Variants in USP14 observed in about 807,000 individuals in gnomAD.
USP14 encodes the protein ubiquitin carboxyl-terminal hydrolase 14.
Under a neutral mutation model 76.5 loss-of-function variants are expected in USP14, and 38 were observed. That is an observed-to-expected ratio of 0.50 (90% CI 0.38 to 0.65). The LOEUF is 0.65. Ranked by LOEUF, USP14 falls within the 30% of genes least tolerant of loss-of-function variation. The probability of loss-of-function intolerance (pLI) is 0.00; values close to 1 mark genes in which losing one functional copy is unlikely to be tolerated. For synonymous variants in USP14, 192 were observed against 191.7 expected, an observed-to-expected ratio of 1.00 and a Z score of -0.01; for missense variants, 467 against 586.5, an observed-to-expected ratio of 0.80 and a Z score of 2.10.
chr18:208,289 ATTG>A (rs1458977812), intron 13 of USP14, among the ~76,000 whole-genome samples: 1 of 152,068 alleles, frequency 6.6e-6, no homozygotes, highest in Non-Finnish European at 1.5e-5. Flanking sequence ...TGTATGTAGA[ATTG>A]TTTCTAGTAT....
rs1483058765 is a variant in USP14 at position 213,886 on chromosome 18, G to C, written c.*2602G>C. ...AGTCTTGAGAGGTCAGGCAATTTTT[G>C]TAAGGCTAGAAGGAAAAGTGAGGTT... On this transcript the variant is annotated 3_prime_UTR_variant, in exon 16 of 16. Transcript: ENST00000261601. 6.6e-6 allele frequency: 1 copy of C among 152,328 alleles called. No individual in the cohort carries two copies. Among genetic ancestry groups the C allele is most frequent in the African/African-American group, 2.4e-5 (1 of 41,560 alleles). 9.4% of individuals were successfully genotyped at this position (152,328 alleles called of 1,614,324 possible). A position where few individuals can be genotyped will look rare whatever the true frequency, so the allele number is the denominator to read the frequency against.
intron 4 of USP14, 147 bp downstream of exon 4, chr18:179,184 T>C: frequency 1.7e-6 from 1 of 578,352 alleles, no homozygotes; most frequent in Non-Finnish European, 2.9e-6. Context: ...AAGAGTTTTA[T>C]TATTTTTGAT....
intron 3 of USP14, among the ~76,000 whole-genome samples, chr18:178,439 TATTTTTTCCTTA>T (rs1461268888): frequency 6.6e-6 from 1 of 152,224 alleles, no homozygotes; most frequent in Non-Finnish European, 1.5e-5. Flanking sequence ...TGGCAATACT[TATTTTTTCCTTA>T]AGCTTTATTC....
intron 10 of USP14, among the ~76,000 whole-genome samples, chr18:202,201 C>T (rs971910149): frequency 3.3e-5 from 5 of 152,070 alleles, no homozygotes; most frequent in Non-Finnish European, 7.4e-5. Flanking sequence ...GAGTATATGC[C>T]AAATATTTTA....
rs139745469 is a variant in USP14, at chr18:167,553, C to G, written c.195+734C>G. 4.0e-3 allele frequency among the ~76,000 whole-genome samples: 610 copies of G among 151,936 alleles called. 1 individual carries two copies. Among genetic ancestry groups the G allele is most frequent in the African/African-American group, 0.014 (576 of 41,440 alleles). On this transcript the variant is annotated intron_variant, in intron 3 of 15. Coordinates refer to ENST00000261601, the MANE Select transcript of USP14 (RefSeq NM_005151.4). Reference sequence around the variant, plus strand: ...GACAGGGTCTCACTCTCACGTATGCCGGAGCACAGTGGCATGGTCATGGCT... The same window carrying G: ...GACAGGGTCTCACTCTCACGTATGCGGGAGCACAGTGGCATGGTCATGGCT...
chr18:200,873 C>G (rs753045889), intron 10 of USP14, among the ~76,000 whole-genome samples: 1 of 152,156 alleles, frequency 6.6e-6, no homozygotes, highest in African/African-American at 2.4e-5. Context: ...ACAATCTCGG[C>G]TCACTGCAAC....
Position 158,611 on chromosome 18 carries a change from G to A in USP14, c.-88G>A, listed in dbSNP as rs1598259034. 6 of 1,429,698 alleles carry A rather than the reference G, an allele frequency of 4.2e-6. No homozygotes were observed. The highest frequency in any genetic ancestry group is 1.5e-5 in the African/African-American group (1 of 67,082). The allele number at this position is 1,429,698 out of a possible 1,614,324, so 88.6% of individuals were successfully genotyped here. A position where few individuals can be genotyped will look rare whatever the true frequency, so the allele number is the denominator to read the frequency against. ...CCACCACCGCGCCTCCGCCTCGGCCGCCGCCGCAGCTGCTCCTGGTCCCCG... is the reference window on the plus strand; with the variant it reads ...CCACCACCGCGCCTCCGCCTCGGCCACCGCCGCAGCTGCTCCTGGTCCCCG... On this transcript the variant is annotated 5_prime_UTR_variant, in exon 1 of 16. Coordinates refer to ENST00000261601, the MANE Select transcript of USP14 (RefSeq NM_005151.4).
chr18:210,310 T>C, intron 14 of USP14, 76 bp from the exon 15 acceptor site: 1 of 1,070,360 alleles, frequency 9.3e-7, no homozygotes, highest in South Asian at 1.6e-5. Context: ...AACTTTAGAG[T>C]TATTCTTGTT....
At chr18:159,903 C>A (rs1018638871) in intron 1 of USP14, among the ~76,000 whole-genome samples, 1 of 152,186 alleles carries the variant, frequency 6.6e-6, no homozygotes, top group Non-Finnish European at 1.5e-5. Flanking sequence ...AGGTCCCTTC[C>A]TTTGACCTCT....
chr18:203,416 C>T (rs1910437419), intron 12 of USP14, among the ~76,000 whole-genome samples: 1 of 151,970 alleles, frequency 6.6e-6, no homozygotes, highest in South Asian at 2.1e-4. Flanking sequence ...CACCCCCAAA[C>T]ATCTGGGTAG....
At chr18:184,995 A>G (rs189243284) in intron 5 of USP14, among the ~76,000 whole-genome samples, 27 of 152,222 alleles carry the variant, frequency 1.8e-4, no homozygotes, top group Non-Finnish European at 7.4e-5. Context: ...AGTGAAAACT[A>G]TATGTTATAA....
intron 14 of USP14, 73 bp downstream of exon 14, chr18:210,104 A>G (rs1356963319): frequency 2.5e-6 from 3 of 1,194,812 alleles, no homozygotes; most frequent in African/African-American, 3.1e-5. Context: ...ATCTTACCCC[A>G]TATTTACTTA....
At chr18:168,740 C>T (rs1295889777) in intron 3 of USP14, among the ~76,000 whole-genome samples, 1 of 151,742 alleles carries the variant, frequency 6.6e-6, no homozygotes, top group Non-Finnish European at 1.5e-5. Flanking sequence ...AGGCCTTGTC[C>T]TACTTTTTAA....
In USP14 at chr18:213,985, A is replaced by AGATAGATAGATAGATAGAT. The variant is rs1567839578; in HGVS notation, c.*2716_*2717insAGATGATAGATAGATAGAT. On this transcript the variant is annotated 3_prime_UTR_variant, in exon 16 of 16. Transcript: ENST00000261601. ...GACAAGATAGATAGATTAGATAGAT[A>AGATAGATAGATAGATAGAT]GATAGATAGATAGATGATGATTGAT... is the stretch of plus-strand genomic sequence containing the variant. The AGATAGATAGATAGATAGAT allele has an allele frequency of 1.3e-5, 2 of 150,750 alleles. No individual in the cohort carries two copies. Among genetic ancestry groups the AGATAGATAGATAGATAGAT allele is most frequent in the Non-Finnish European group, 3.0e-5 (2 of 67,686 alleles). 9.3% of individuals were successfully genotyped at this position (150,750 alleles called of 1,614,324 possible).
intron 10 of USP14, among the ~76,000 whole-genome samples, chr18:200,688 C>T (rs891613739): frequency 5.3e-5 from 8 of 152,152 alleles, no homozygotes; most frequent in African/African-American, 7.2e-5. Context: ...GTATATCTCT[C>T]GAAGGATCTC....
Position 213,967 on chromosome 18 carries a change from T to C in USP14, c.*2683T>C, listed in dbSNP as rs1019794357. The C allele has an allele frequency of 2.2e-5, 3 of 138,692 alleles. No individual in the cohort carries two copies. The highest frequency in any genetic ancestry group is 5.6e-5 in the African/African-American group (2 of 35,766). 8.6% of individuals were successfully genotyped at this position (138,692 alleles called of 1,614,324 possible). ...CAAACATTTTCTGTAATGGACAAGA[T>C]AGATAGATTAGATAGATAGATAGAT... On this transcript the variant is annotated 3_prime_UTR_variant, in exon 16 of 16. Transcript: ENST00000261601.
chr18:193,655 T>G (rs1910152965), intron 6 of USP14, among the ~76,000 whole-genome samples: 1 of 152,228 alleles, frequency 6.6e-6, no homozygotes, highest in Non-Finnish European at 1.5e-5. Flanking sequence ...ATTTGCCTAC[T>G]CTGGACTTTT....
At position 204,615 on chromosome 18, in the gene USP14, C is replaced by T; in HGVS notation, c.1087C>T (p.Leu363Phe). The change falls in exon 13 of 16, where the codon CTT becomes TTT. Residue 363 changes from leucine to phenylalanine, a missense_variant. Coordinates refer to ENST00000261601, the MANE Select transcript of USP14 (RefSeq NM_005151.4). ...LDMYELCTPE[L>F]QEKMVSFRSK... ...TATGTATGAACTGTGTACACCAGAACTTCAAGAGAAAATGGTGTCTTTTCG... is the reference window on the plus strand; with the variant it reads ...TATGTATGAACTGTGTACACCAGAATTTCAAGAGAAAATGGTGTCTTTTCG... The T allele has an allele frequency of 6.2e-7, 1 of 1,613,170 alleles. No homozygotes were observed. The highest frequency in any genetic ancestry group is 8.5e-7 in the Non-Finnish European group (1 of 1,179,634).
chr18:167,934 C>CTTTT lies in USP14; in HGVS notation c.195+1132_195+1135dup, dbSNP rs34207469. On this transcript the variant is annotated intron_variant, in intron 3 of 15. Coordinates refer to ENST00000261601, the MANE Select transcript of USP14 (RefSeq NM_005151.4). ...GTAAAAATACAATTGATTTTTCTCT[C>CTTTT]TTTTTTTTTTTTTTTTTTTTGAGAC... Among the ~76,000 whole-genome samples, 44 of 116,102 alleles carry CTTTT rather than the reference C, an allele frequency of 3.8e-4. 1 individual carries two copies. Among genetic ancestry groups the CTTTT allele is most frequent in the African/African-American group, 7.8e-4 (24 of 30,588 alleles). The allele number at this position is 116,102 out of a possible 152,430, so 76.2% of individuals were successfully genotyped here. A position where few individuals can be genotyped will look rare whatever the true frequency, so the allele number is the denominator to read the frequency against.
Sources: allele counts gnomAD v4.1 joint callset (sites outside exome capture counted in the v4.1 genomes callset), GRCh38; gene constraint gnomAD v4.1.1; transcripts MANE v1.5; gene names NCBI Gene and HGNC (gene_info 2026-07-23, HGNC 2026-07-21).